The following NPTN variants were observed in gnomAD, a reference collection of about 807,000 sequenced individuals.
NPTN encodes the protein neuroplastin.
NPTN carries 5 observed loss-of-function variants against 42.7 expected under a neutral mutation model. That is an observed-to-expected ratio of 0.12 (90% CI 0.06 to 0.25). The LOEUF is 0.25. NPTN is among the 10% of genes least tolerant of loss of function. The pLI is 1.00. For synonymous variants in NPTN, 180 were observed against 201.9 expected, an observed-to-expected ratio of 0.89 and a Z score of 0.92; for missense variants, 307 against 525.4, an observed-to-expected ratio of 0.58 and a Z score of 4.06.
chr15:73,611,025 A>G (rs1372626101), intron 1 of NPTN, among the ~76,000 whole-genome samples: 1 of 152,252 alleles, frequency 6.6e-6, no homozygotes, highest in Non-Finnish European at 1.5e-5. Context: ...CATATGGACA[A>G]TGTGCTGAAA....
Position 73,633,267 on chromosome 15 carries a change from C to T in NPTN, c.-52G>A, listed in dbSNP as rs1898868476. On this transcript the variant is annotated 5_prime_UTR_variant, in exon 1 of 9. Transcript: ENST00000345330. Reference sequence around the variant, plus strand: ...AATGGGCCGGGGCCAGAGCCGGGGCCGGGGAAGGGAGGGGAGGGAGGGAGG... The same window carrying T: ...AATGGGCCGGGGCCAGAGCCGGGGCTGGGGAAGGGAGGGGAGGGAGGGAGG... 1 of 369,244 alleles carries T rather than the reference C, an allele frequency of 2.7e-6. No individual in the cohort carries two copies. The highest frequency in any genetic ancestry group is 1.0e-4 in the East Asian group (1 of 9,588). The allele number at this position is 369,244 out of a possible 1,614,324, so 22.9% of individuals were successfully genotyped here.
At chr15:73,610,576 T>G (rs998275860) in intron 1 of NPTN, among the ~76,000 whole-genome samples, 5 of 152,168 alleles carry the variant, frequency 3.3e-5, no homozygotes, top group Non-Finnish European at 7.3e-5. Flanking sequence ...ACAAGCGGAA[T>G]CTCAGCCTAA....
At chr15:73,613,399 T>C (rs925543308) in intron 1 of NPTN, among the ~76,000 whole-genome samples, 2 of 152,170 alleles carry the variant, frequency 1.3e-5, no homozygotes, top group African/African-American at 2.4e-5. Flanking sequence ...CTAGAACCTA[T>C]TGTCTTAGAA....
Position 73,633,387 on chromosome 15 carries a change from C to T in NPTN, c.-172G>A, listed in dbSNP as rs796773318. 1.5e-5 allele frequency: 7 copies of T among 465,600 alleles called. No homozygotes were observed. Among genetic ancestry groups the T allele is most frequent in the African/African-American group, 1.4e-4 (7 of 49,194 alleles). 28.8% of individuals were successfully genotyped at this position (465,600 alleles called of 1,614,324 possible). On this transcript the variant is annotated 5_prime_UTR_variant, in exon 1 of 9. Transcript: ENST00000345330. ...CCTCCTGCCGCCGCAGCGCCCAGGCCTCGCGAGACCTTCGCTCCGGGTCGT... is the reference window on the plus strand; with the variant it reads ...CCTCCTGCCGCCGCAGCGCCCAGGCTTCGCGAGACCTTCGCTCCGGGTCGT...
intron 1 of NPTN, among the ~76,000 whole-genome samples, chr15:73,598,659 T>C (rs1165551702): frequency 6.6e-6 from 1 of 152,182 alleles, no homozygotes; most frequent in Non-Finnish European, 1.5e-5. Context: ...CTGATTGGCT[T>C]GGAAACGTCC....
intron 1 of NPTN, among the ~76,000 whole-genome samples, chr15:73,616,457 C>T (rs1897864962): frequency 1.3e-5 from 2 of 152,252 alleles, no homozygotes; most frequent in South Asian, 2.1e-4. Flanking sequence ...CTCAGATATA[C>T]CACGGGCCAA....
chr15:73,610,419 C>CT (rs1215437720), intron 1 of NPTN, among the ~76,000 whole-genome samples: 3 of 152,218 alleles, frequency 2.0e-5, no homozygotes, highest in South Asian at 4.1e-4. Context: ...ATGAGATCAA[C>CT]TTTTTTTTAA....
intron 6 of NPTN, among the ~76,000 whole-genome samples, chr15:73,565,315 C>T (rs920992147): frequency 3.9e-5 from 6 of 152,244 alleles, no homozygotes; most frequent in Middle Eastern, 3.4e-3. Context: ...GACAAAAAAA[C>T]GACTTGACCC....
At chr15:73,582,938 T>G (rs913960927) in intron 4 of NPTN, among the ~76,000 whole-genome samples, 3 of 152,244 alleles carry the variant, frequency 2.0e-5, no homozygotes, top group Admixed American at 2.0e-4. Context: ...AGACTCGGAC[T>G]GGCTCTCCTT....
chr15:73,627,735 T>C (rs1032383578), intron 1 of NPTN, among the ~76,000 whole-genome samples: 2 of 152,184 alleles, frequency 1.3e-5, no homozygotes, highest in African/African-American at 4.8e-5. Flanking sequence ...ATATAATAAA[T>C]TGAAATTAAA....
intron 4 of NPTN, among the ~76,000 whole-genome samples, chr15:73,581,977 G>A (rs907354789): frequency 6.6e-6 from 1 of 152,132 alleles, no homozygotes; most frequent in Non-Finnish European, 1.5e-5. Context: ...TGGGACCACA[G>A]GCGTGCACCG....
chr15:73,560,314 G>GGTTCAACACA lies in NPTN; in HGVS notation c.*739_*748dup, dbSNP rs1894586899. The GGTTCAACACA allele has an allele frequency of 6.1e-6, 1 of 162,634 alleles. No individual in the cohort carries two copies. Among genetic ancestry groups the GGTTCAACACA allele is most frequent in the Admixed American group, 6.5e-5 (1 of 15,366 alleles). The allele number at this position is 162,634 out of a possible 1,614,324, so 10.1% of individuals were successfully genotyped here. On this transcript the variant is annotated 3_prime_UTR_variant, in exon 9 of 9. Transcript: ENST00000345330. ...TGATTGAATGAATGTACAAGAATAA[G>GGTTCAACACA]GTTCAACACATCAGTGCAAAAGGAT...
intron 2 of NPTN, among the ~76,000 whole-genome samples, chr15:73,594,372 T>C (rs991087843): frequency 4.6e-5 from 7 of 152,236 alleles, no homozygotes; most frequent in African/African-American, 1.4e-4. Context: ...TGGTAGACTT[T>C]CTGCCAAGTA....
Position 73,587,856 on chromosome 15 carries a change from G to A in NPTN, c.612-238C>T, listed in dbSNP as rs1050194698. ...GCAACATGGTCCCTAACCTTAGAAT[G>A]CTCTGGTCTACTGGGAGAAACAAAA... On this transcript the variant is annotated intron_variant, in intron 3 of 8. Transcript: ENST00000345330. 4.1e-4 allele frequency among the ~76,000 whole-genome samples: 63 copies of A among 152,188 alleles called. 1 individual carries two copies. The highest frequency in any genetic ancestry group is 1.4e-3 in the African/African-American group (57 of 41,452).
intron 1 of NPTN, among the ~76,000 whole-genome samples, chr15:73,613,854 T>G (rs1300618149): frequency 6.6e-6 from 1 of 151,906 alleles, no homozygotes; most frequent in Non-Finnish European, 1.5e-5. Context: ...CCTGGCTAAT[T>G]TTTGTGTTTT....
At chr15:73,566,278 C>T (rs753718165) in intron 6 of NPTN, among the ~76,000 whole-genome samples, 4 of 152,114 alleles carry the variant, frequency 2.6e-5, no homozygotes, top group South Asian at 2.1e-4. Context: ...TTTTGACCAA[C>T]GAATAGATTT....
chr15:73,614,483 G>A (rs951541227), intron 1 of NPTN, among the ~76,000 whole-genome samples: 4 of 152,142 alleles, frequency 2.6e-5, no homozygotes, highest in Non-Finnish European at 5.9e-5. Flanking sequence ...TGTATTTGTA[G>A]ATGTAATTGA....
intron 6 of NPTN, among the ~76,000 whole-genome samples, chr15:73,564,402 T>C (rs915141906): frequency 2.6e-5 from 4 of 152,078 alleles, no homozygotes; most frequent in African/African-American, 7.2e-5. Flanking sequence ...GAGGGAGACA[T>C]TGCTCCACCT....
chr15:73,598,185 G>C (rs1422501376), intron 1 of NPTN, among the ~76,000 whole-genome samples: 1 of 152,148 alleles, frequency 6.6e-6, no homozygotes, highest in Admixed American at 6.5e-5. Context: ...CCAGCTAATG[G>C]AGGGACTGTG....
Sources: gnomAD v4.1 joint callset for allele counts (sites outside exome capture counted in the v4.1 genomes callset) on GRCh38, gnomAD v4.1.1 for gene constraint, MANE v1.5 for transcripts, NCBI Gene and HGNC (gene_info 2026-07-23, HGNC 2026-07-21) for gene names.